The following ITGB4 variants were observed in gnomAD, a reference collection of about 807,000 sequenced individuals.
ITGB4 encodes the protein integrin subunit beta 4.
Under a neutral mutation model 207.6 loss-of-function variants are expected in ITGB4, and 159 were observed. The ratio of observed to expected loss-of-function variants is 0.77; its 90% CI spans 0.67 to 0.87. The LOEUF is 0.87. ITGB4 is among the 40% of genes least tolerant of loss of function. The probability of loss-of-function intolerance (pLI) is 0.00; values close to 1 mark genes in which losing one functional copy is unlikely to be tolerated. For synonymous variants in ITGB4, 1,020 were observed against 1,062.7 expected (o/e 0.96, Z 0.78); for missense variants, 2,278 against 2,546.8 (o/e 0.89, Z 2.27).
rs201832426 is a variant in ITGB4 at position 75,755,847 on chromosome 17, G to A, written c.4705G>A (p.Gly1569Ser). ...CAGTGTGGAGTACCAGCTGCTGAAC[G>A]GCGGTGAGGCATGGTGGCTGCCAGG... The part of the protein sequence containing the change: ...GYSVEYQLLN[G>S]GELHRLNIPN... The change falls in exon 35 of 40, where the codon GGC becomes AGC. Residue 1569 changes from glycine to serine, a missense_variant. Gly to Ser is a moderately conservative substitution (Grantham distance 56). Transcript: ENST00000200181. 194 of 1,603,146 alleles carry A rather than the reference G, an allele frequency of 1.2e-4. No individual in the cohort carries two copies. Among genetic ancestry groups the A allele is most frequent in the African/African-American group, 2.4e-4 (18 of 74,846 alleles).
rs761682275 is a variant in ITGB4, at chr17:75,756,546, G to A, written c.4826G>A (p.Gly1609Asp). The change falls in exon 36 of 40, where the codon GGC (glycine) becomes GAC (aspartate). Residue 1609 changes from glycine (G) to aspartate (D), a missense_variant. By Grantham distance (94) the Gly-to-Asp change is moderately conservative. Coordinates refer to ENST00000200181, the MANE Select transcript of ITGB4 (RefSeq NM_000213.5). ...RVRAQSQEGW[G>D]REREGVITIE... ...CGGGCCCAGAGCCAGGAAGGCTGGGGCCGAGAGCGTGAGGGTGTCATCACC... is the reference window on the plus strand; with the variant it reads ...CGGGCCCAGAGCCAGGAAGGCTGGGACCGAGAGCGTGAGGGTGTCATCACC... 2 of 1,613,142 alleles carry A rather than the reference G, an allele frequency of 1.2e-6. No individual in the cohort carries two copies. The highest frequency in any genetic ancestry group is 8.5e-7 in the Non-Finnish European group (1 of 1,180,028).
At chr17:75,751,400 A>C (rs2061364069) in intron 30 of ITGB4, among the ~76,000 whole-genome samples, 1 of 152,204 alleles carries the variant, frequency 6.6e-6, no homozygotes, top group African/African-American at 2.4e-5. Context: ...CAGGGAGCTC[A>C]CACGTGCATG....
Position 75,727,529 on chromosome 17 carries a change from G to C in ITGB4, c.264+24G>C. ...AGGTGCCTGGTGTGGGGACTGGGGT[G>C]GGGGCTCCCCATGCTCAGCCTGGCT... On this transcript the variant is annotated intron_variant, in intron 4 of 39. Coordinates refer to ENST00000200181, the MANE Select transcript of ITGB4 (RefSeq NM_000213.5). This position sits in a 1 kb window ranked among gnomAD's most constrained non-coding sequence, Gnocchi z 6.0. The C allele has an allele frequency of 6.2e-7, 1 of 1,610,480 alleles. No individual in the cohort carries two copies. The highest frequency in any genetic ancestry group is 8.5e-7 in the Non-Finnish European group (1 of 1,177,936).
In ITGB4 at chr17:75,729,332, G is replaced by T. The variant is rs1347583001; in HGVS notation, c.634G>T (p.Asp212Tyr). Residue 212 changes from aspartate to tyrosine, a missense_variant, in exon 7 of 40, where the codon GAT becomes TAT. Asp to Tyr is a radical substitution (Grantham distance 160). Coordinates refer to ENST00000200181, the MANE Select transcript of ITGB4 (RefSeq NM_000213.5). This position sits in a 1 kb window ranked among gnomAD's most constrained non-coding sequence, Gnocchi z 4.4. The part of the protein sequence containing the change: ...SFKNVISLTE[D>Y]VDEFRNKLQG... ...CAAGAACGTCATCAGCCTGACAGAAGATGTGGATGAGTTCCGGAATAAACT... is the reference window on the plus strand; with the variant it reads ...CAAGAACGTCATCAGCCTGACAGAATATGTGGATGAGTTCCGGAATAAACT... The T allele has an allele frequency of 6.2e-7, 1 of 1,614,040 alleles. No homozygotes were observed. Among genetic ancestry groups the T allele is most frequent in the Non-Finnish European group, 8.5e-7 (1 of 1,180,028 alleles).
At position 75,750,011 on chromosome 17, in the gene ITGB4, G is replaced by T; in HGVS notation, c.3317-100G>T. 6.8e-7 allele frequency: 1 copy of T among 1,468,658 alleles called. No individual in the cohort carries two copies. Among genetic ancestry groups the T allele is most frequent in the African/African-American group, 1.4e-5 (1 of 72,264 alleles). 91.0% of individuals were successfully genotyped at this position (1,468,658 alleles called of 1,614,324 possible). A position where few individuals can be genotyped will look rare whatever the true frequency, so the allele number is the denominator to read the frequency against. On this transcript the variant is annotated intron_variant, in intron 27 of 39. Transcript: ENST00000200181. This position sits in a 1 kb window ranked among gnomAD's most constrained non-coding sequence, Gnocchi z 5.5. ...GCGGGTGGGCAGGTCTGAGTTGAAT[G>T]CGCTGGGTAGAGCGCCCTGGGTGTT... is the stretch of plus-strand genomic sequence containing the variant.
chr17:75,753,715 C>A, intron 32 of ITGB4, 50 bp from the exon 33 acceptor site: 1 of 1,266,514 alleles, frequency 7.9e-7, no homozygotes, highest in South Asian at 2.3e-5. Context: ...TGGCCCTGCT[C>A]GGCCCGGCGC....
Position 75,757,240 on chromosome 17 carries a change from G to C in ITGB4, c.5259G>C (p.Gln1753His), listed in dbSNP as rs2061536986. Residue 1753 changes from glutamine to histidine, a missense_variant, in exon 39 of 40, where the codon CAG (glutamine) becomes CAC (histidine). Transcript: ENST00000200181. ...PQLGSRAGLF[Q>H]HPLQSEYSSI... is the part of the protein sequence containing the mutation. ...TGGGCAGCCGTGCCGGGCTCTTCCA[G>C]CACCCGCTGCAAAGCGAGTACAGCA... is the stretch of plus-strand genomic sequence containing the variant. 2.5e-6 allele frequency: 4 copies of C among 1,611,792 alleles called. No homozygotes were observed. The highest frequency in any genetic ancestry group is 3.4e-6 in the Non-Finnish European group (4 of 1,179,980).
chr17:75,737,234 G>C lies in ITGB4; in HGVS notation c.1991-88G>C, dbSNP rs820179. On this transcript the variant is annotated intron_variant, in intron 16 of 39. Transcript: ENST00000200181. ...GGCCCTGCCGTGGGTGAGGCAGATC[G>C]CAGAGTAGGGGCCCCCTCACCAGAC... The C allele has an allele frequency of 0.77, 1,157,491 of 1,512,462 alleles. 446,319 individuals carry two copies. The highest frequency in any genetic ancestry group is 0.79 in the Non-Finnish European group (886,238 of 1,119,488). The allele number at this position is 1,512,462 out of a possible 1,614,324, so 93.7% of individuals were successfully genotyped here. A position where few individuals can be genotyped will look rare whatever the true frequency, so the allele number is the denominator to read the frequency against.
intron 27 of ITGB4, 124 bp from the exon 28 acceptor site, chr17:75,749,987 C>A: frequency 8.3e-7 from 1 of 1,204,164 alleles, no homozygotes; most frequent in Non-Finnish European, 1.2e-6. Flanking sequence ...TCCAGAGACG[C>A]GGGTGGGCAG....
chr17:75,727,529 G>T lies in ITGB4; in HGVS notation c.264+24G>T, dbSNP rs765166765. The T allele has an allele frequency of 1.9e-6, 3 of 1,610,362 alleles. No individual in the cohort carries two copies. The highest frequency in any genetic ancestry group is 2.5e-6 in the Non-Finnish European group (3 of 1,177,944). On this transcript the variant is annotated intron_variant, in intron 4 of 39. Coordinates refer to ENST00000200181, the MANE Select transcript of ITGB4 (RefSeq NM_000213.5). This position sits in a 1 kb window ranked among gnomAD's most constrained non-coding sequence, Gnocchi z 6.0. ...AGGTGCCTGGTGTGGGGACTGGGGT[G>T]GGGGCTCCCCATGCTCAGCCTGGCT... is the stretch of plus-strand genomic sequence containing the variant.
Position 75,757,276 on chromosome 17 carries a change from C to A in ITGB4, c.5295C>A (p.Thr1765=). 6.2e-7 allele frequency: 1 copy of A among 1,611,128 alleles called. No homozygotes were observed. The highest frequency in any genetic ancestry group is 8.5e-7 in the Non-Finnish European group (1 of 1,179,958). ...PLQSEYSSIT[T]THTSATEPFL... ...AAAGCGAGTACAGCAGCATCACCAC[C>A]ACCCACACCAGCGCCACCGAGCCCT... The change falls in exon 39 of 40, where the codon ACC becomes ACA. Residue 1765 remains threonine, a synonymous_variant. Coordinates refer to ENST00000200181, the MANE Select transcript of ITGB4 (RefSeq NM_000213.5).
intron 15 of ITGB4, 56 bp downstream of exon 15, chr17:75,736,442 G>C: frequency 4.4e-6 from 7 of 1,609,018 alleles, no homozygotes; most frequent in Non-Finnish European, 6.0e-6. Flanking sequence ...ACAGGGCAGT[G>C]TGGGCAGGAG....
chr17:75,745,779 C>A (rs999531313), intron 26 of ITGB4, among the ~76,000 whole-genome samples: 1 of 151,704 alleles, frequency 6.6e-6, no homozygotes, highest in African/African-American at 2.4e-5. Flanking sequence ...CCCGGGAGGC[C>A]GAGGCAGGAG....
chr17:75,751,104 T>C lies in ITGB4; in HGVS notation c.3786T>C (p.Asp1262=). The stretch of plus-strand genomic sequence containing the variant: ...AGGTCTGCTATGGCCTGGTCAACGA[T>C]GACAACCGTAAGAACCAGATCCTTC... ...AYEVCYGLVN[D]DNRPIGPMKK... The change falls in exon 30 of 40, where the codon GAT becomes GAC. Residue 1262 remains aspartate (D), a synonymous_variant. Transcript: ENST00000200181. 6.2e-7 allele frequency: 1 copy of C among 1,613,542 alleles called. No individual in the cohort carries two copies. Among genetic ancestry groups the C allele is most frequent in the Non-Finnish European group, 8.5e-7 (1 of 1,180,034 alleles).
Position 75,753,860 on chromosome 17 carries a change from GC to G in ITGB4, c.4206del (p.Ser1403AlafsTer41). ...CCCGGAGCTCATCCCGCGCCTGTCG[GC>G]CAGCAGCGGGCGCTCCTCCGACGCC... ...LPPELIPRLS[A>X]SSGRSSDAEA... is the part of the protein sequence containing the mutation. On this transcript the variant is annotated frameshift_variant, in exon 33 of 40. Coordinates refer to ENST00000200181, the MANE Select transcript of ITGB4 (RefSeq NM_000213.5). LOFTEE classifies it high-confidence loss of function. 7.3e-7 allele frequency: 1 copy of G among 1,373,026 alleles called. No homozygotes were observed. The allele number at this position is 1,373,026 out of a possible 1,614,324, so 85.1% of individuals were successfully genotyped here. A position where few individuals can be genotyped will look rare whatever the true frequency, so the allele number is the denominator to read the frequency against.
intron 27 of ITGB4, among the ~76,000 whole-genome samples, chr17:75,749,309 C>T (rs1779828990): frequency 6.6e-6 from 1 of 152,162 alleles, no homozygotes. Flanking sequence ...GGGAGGATCA[C>T]TTGAGCCCAG....
chr17:75,743,537 A>G (rs1057396519), intron 25 of ITGB4, among the ~76,000 whole-genome samples, 176 bp from the exon 26 acceptor site: 1 of 151,924 alleles, frequency 6.6e-6, no homozygotes, highest in Non-Finnish European at 1.5e-5. Context: ...CCGGCCCCTC[A>G]TCTTTTTCTG....
chr17:75,753,753 G>A lies in ITGB4; in HGVS notation c.4109-12G>A. The A allele has an allele frequency of 7.0e-7, 1 of 1,420,756 alleles. No individual in the cohort carries two copies. The highest frequency in any genetic ancestry group is 2.8e-5 in the East Asian group (1 of 36,008). 88.0% of individuals were successfully genotyped at this position (1,420,756 alleles called of 1,614,324 possible). A position where few individuals can be genotyped will look rare whatever the true frequency, so the allele number is the denominator to read the frequency against. On this transcript the variant is annotated splice_polypyrimidine_tract_variant and intron_variant, in intron 32 of 39. Coordinates refer to ENST00000200181, the MANE Select transcript of ITGB4 (RefSeq NM_000213.5). ...CCCGGCGGTGCCAACGCGGCCCTTC[G>A]TTGTTCCCAAGGCTGCGGCTGGAAG...
chr17:75,726,203 C>T lies in ITGB4; in HGVS notation c.80-992C>T, dbSNP rs535575579. ...TGCAGTGGCTCACGCCTATAATTCC[C>T]AGCACTTTGGGAGGCCAAGGTGGGA... On this transcript the variant is annotated intron_variant, in intron 2 of 39. Coordinates refer to ENST00000200181, the MANE Select transcript of ITGB4 (RefSeq NM_000213.5). Among the ~76,000 whole-genome samples the T allele has an allele frequency of 3.9e-5, 6 of 152,330 alleles. No homozygotes were observed. In the East Asian group the frequency reaches 9.6e-4, roughly 24 times the overall value.
Sources: allele counts gnomAD v4.1 joint callset (sites outside exome capture counted in the v4.1 genomes callset), GRCh38; gene constraint gnomAD v4.1.1; non-coding constraint Gnocchi (gnomAD v3.1); transcripts MANE v1.5; gene names NCBI Gene and HGNC (gene_info 2026-07-23, HGNC 2026-07-21).